Variants in ATXN1 observed in about 807,000 individuals in gnomAD.
ATXN1 encodes the protein ataxin-1.
A neutral mutation model predicts 56.4 loss-of-function variants in ATXN1; 8 were observed. The observed-to-expected ratio is 0.14, with a 90% CI of 0.08 to 0.26. The LOEUF (loss-of-function observed/expected upper bound fraction) is 0.26, where lower values mean the gene tolerates loss of function less well. ATXN1 is among the 10% of genes least tolerant of loss of function. The pLI, the probability that ATXN1 is intolerant of heterozygous loss-of-function variation, is 1.00. For missense variants in ATXN1, 987 were observed against 1,106.5 expected (o/e 0.89, Z 1.53); for synonymous variants, 514 against 494.6 (o/e 1.04, Z -0.52).
At chr6:16,357,274 T>A (rs1761709713) in intron 6 of ATXN1, among the ~76,000 whole-genome samples, 1 of 151,326 alleles carries the variant, frequency 6.6e-6, no homozygotes, top group Non-Finnish European at 1.5e-5. Flanking sequence ...TTATTTTATT[T>A]TTTTTTGCTT....
intron 7 of ATXN1, among the ~76,000 whole-genome samples, chr6:16,313,780 T>C (rs1760452081): frequency 6.6e-6 from 1 of 152,114 alleles, no homozygotes. Context: ...CAAGCTAGTC[T>C]TGAACTCCTG....
intron 6 of ATXN1, among the ~76,000 whole-genome samples, chr6:16,483,906 C>T (rs1345135869): frequency 6.6e-6 from 1 of 152,178 alleles, no homozygotes; most frequent in Non-Finnish European, 1.5e-5. Flanking sequence ...GATAAAAATG[C>T]TTTAAAAAAT....
At chr6:16,367,296 T>C (rs1761940105) in intron 6 of ATXN1, among the ~76,000 whole-genome samples, 2 of 152,122 alleles carry the variant, frequency 1.3e-5, no homozygotes, top group Non-Finnish European at 2.9e-5. Context: ...TAAGTTATTG[T>C]GTTTATATTC....
At chr6:16,518,917 G>A (rs926071704) in intron 5 of ATXN1, among the ~76,000 whole-genome samples, 3 of 151,820 alleles carry the variant, frequency 2.0e-5, no homozygotes, top group Admixed American at 2.0e-4. Context: ...GAAATATGAA[G>A]CCTTTAGATA....
In ATXN1 at chr6:16,387,195, A is replaced by T. The variant is rs147943602; in HGVS notation, c.-160-58725T>A. Among the ~76,000 whole-genome samples, 942 of 152,214 alleles carry T rather than the reference A, an allele frequency of 6.2e-3. 6 individuals carry two copies. Among genetic ancestry groups the T allele is most frequent in the Non-Finnish European group, 9.3e-3 (634 of 68,024 alleles). On this transcript the variant is annotated intron_variant, in intron 6 of 7. Coordinates refer to ENST00000436367, the MANE Select transcript of ATXN1 (RefSeq NM_001128164.2). ...ATCAATGACTCAATGGTGGTCACGG[A>T]TCAGCACTCTCAACTAACCATGAGA...
At chr6:16,465,340 C>G (rs1311479751) in intron 6 of ATXN1, among the ~76,000 whole-genome samples, 3 of 152,188 alleles carry the variant, frequency 2.0e-5, no homozygotes, top group Non-Finnish European at 4.4e-5. Flanking sequence ...GTCTGTAGTC[C>G]CAGCTACTTG....
In ATXN1 at chr6:16,637,375, T is replaced by C. The variant is rs1311019574; in HGVS notation, c.-489+20401A>G. Among the ~76,000 whole-genome samples the C allele has an allele frequency of 3.3e-5, 5 of 151,318 alleles. 1 individual carries two copies. Among genetic ancestry groups the C allele is most frequent in the African/African-American group, 1.2e-4 (5 of 41,230 alleles). On this transcript the variant is annotated intron_variant, in intron 3 of 7. Transcript: ENST00000436367. ...GTGGGGGGAGGGGGGAGGGAAAGCTTTAGGAGATATACCTAATGTAAATGA... is the reference window on the plus strand; with the variant it reads ...GTGGGGGGAGGGGGGAGGGAAAGCTCTAGGAGATATACCTAATGTAAATGA...
chr6:16,613,353 T>A (rs1413915393), intron 3 of ATXN1, among the ~76,000 whole-genome samples: 4 of 151,290 alleles, frequency 2.6e-5, no homozygotes, highest in African/African-American at 9.7e-5. Flanking sequence ...TTGCATATAT[T>A]TTAAAATATA....
intron 4 of ATXN1, among the ~76,000 whole-genome samples, chr6:16,542,391 T>G (rs545396494): frequency 3.3e-5 from 5 of 152,338 alleles, no homozygotes; most frequent in African/African-American, 1.2e-4. Context: ...ACGATCACAT[T>G]AAGAGACGTG....
chr6:16,761,065 TACACAC>T (rs3831007), intron 1 of ATXN1: 249 of 323,690 alleles, frequency 7.7e-4, no homozygotes, highest in African/African-American at 2.8e-3. Flanking sequence ...TGTACACACA[TACACAC>T]ACACACACAC....
At chr6:16,639,201 C>T (rs377048036) in intron 3 of ATXN1, among the ~76,000 whole-genome samples, 1 of 152,182 alleles carries the variant, frequency 6.6e-6, no homozygotes. Context: ...ACAACCCGCT[C>T]GGGTCCCCTT....
intron 4 of ATXN1, among the ~76,000 whole-genome samples, chr6:16,583,297 A>C (rs1457513783): frequency 6.6e-6 from 1 of 152,234 alleles, no homozygotes; most frequent in Non-Finnish European, 1.5e-5. Flanking sequence ...CAGAGGCTGA[A>C]GCCGTACACG....
chr6:16,695,123 G>A (rs990518607), intron 2 of ATXN1, among the ~76,000 whole-genome samples: 7 of 152,252 alleles, frequency 4.6e-5, no homozygotes, highest in Non-Finnish European at 8.8e-5. Context: ...TGGCTCTATG[G>A]AGACTATGAT....
intron 6 of ATXN1, among the ~76,000 whole-genome samples, chr6:16,443,776 C>T (rs1218901000): frequency 6.6e-6 from 1 of 152,050 alleles, no homozygotes; most frequent in Non-Finnish European, 1.5e-5. Context: ...TAAGTAAAAG[C>T]CTTGTGGCAC....
chr6:16,581,114 G>A (rs1180327638), intron 4 of ATXN1, among the ~76,000 whole-genome samples: 2 of 151,280 alleles, frequency 1.3e-5, no homozygotes, highest in Non-Finnish European at 2.9e-5. Context: ...TAGGATAAAG[G>A]AAACATTTCC....
At chr6:16,476,610 T>G (rs1034949505) in intron 6 of ATXN1, among the ~76,000 whole-genome samples, 1 of 152,160 alleles carries the variant, frequency 6.6e-6, no homozygotes, top group African/African-American at 2.4e-5. Context: ...GAATATACAA[T>G]GTCTTCTATC....
chr6:16,720,278 CTCTT>C, intron 2 of ATXN1, among the ~76,000 whole-genome samples: 1 of 152,324 alleles, frequency 6.6e-6, no homozygotes, highest in East Asian at 1.9e-4. Context: ...CCTGCCATCA[CTCTT>C]TCTCCTAACA....
intron 2 of ATXN1, among the ~76,000 whole-genome samples, chr6:16,750,247 G>A (rs1260987309): frequency 6.6e-6 from 1 of 152,142 alleles, no homozygotes; most frequent in Admixed American, 6.5e-5. Flanking sequence ...CCTTCCGGTA[G>A]CTCTTATTCA....
Position 16,606,774 on chromosome 6 carries a change from C to G in ATXN1, c.-488-20867G>C, listed in dbSNP as rs892604666. 1.5e-4 allele frequency among the ~76,000 whole-genome samples: 22 copies of G among 151,596 alleles called. 1 individual carries two copies. The highest frequency in any genetic ancestry group is 5.3e-4 in the African/African-American group (22 of 41,316). The stretch of plus-strand genomic sequence containing the variant: ...TGATCTCCTGACCTCGTGATCCGCC[C>G]GCCTCAGCCTCCCGAAGTGCTGGGA... On this transcript the variant is annotated intron_variant, in intron 3 of 7. Coordinates refer to ENST00000436367, the MANE Select transcript of ATXN1 (RefSeq NM_001128164.2).
Sources: allele counts gnomAD v4.1 joint callset (sites outside exome capture counted in the v4.1 genomes callset), GRCh38; gene constraint gnomAD v4.1.1; transcripts MANE v1.5; gene names NCBI Gene and HGNC (gene_info 2026-07-23, HGNC 2026-07-21).